BCL2A1: variants seen among roughly 807,000 people sequenced by gnomAD.
BCL2A1 encodes BCL2 related protein A1, also known as bcl-2-related protein A1.
In BCL2A1, 10 loss-of-function variants were observed where a neutral mutation model predicts 14.4. That is an observed-to-expected ratio of 0.69 (90% CI 0.43 to 1.18). BCL2A1 has a LOEUF of 1.18. Among genes scored for constraint, BCL2A1 ranks in the 50% most tolerant of loss-of-function variants. BCL2A1 has a pLI of 0.00. For missense variants in BCL2A1, 158 were observed against 205.0 expected (o/e 0.77, Z 1.40); for synonymous variants, 71 against 76.5 (o/e 0.93, Z 0.38).
rs553545563 is a variant in BCL2A1 at position 79,971,103 on chromosome 15, A to T, written c.17T>A (p.Phe6Tyr). ...CTGAGCCAGCCTGTAAATATATCCAAATTCACAGTCTGTCATCTTCTGCCT... is the reference window on the plus strand; with the variant it reads ...CTGAGCCAGCCTGTAAATATATCCATATTCACAGTCTGTCATCTTCTGCCT... MTDCE[F>Y]GYIYRLAQDY... The change falls in exon 1 of 2, where the codon TTT (phenylalanine) becomes TAT (tyrosine). Residue 6 changes from phenylalanine to tyrosine, a missense_variant. Physicochemically the swap from Phe to Tyr is conservative, Grantham distance 22. Transcript: ENST00000267953. 1.9e-6 allele frequency: 3 copies of T among 1,613,158 alleles called. No individual in the cohort carries two copies. Among genetic ancestry groups the T allele is most frequent in the Non-Finnish European group, 2.5e-6 (3 of 1,179,342 alleles).
rs1443057090 is a variant in BCL2A1 at position 79,961,106 on chromosome 15, C to A, written c.489G>T (p.Lys163Asn). Residue 163 changes from lysine to asparagine, a missense_variant, in exon 2 of 2, where the codon AAG becomes AAT. Coordinates refer to ENST00000267953, the MANE Select transcript of BCL2A1 (RefSeq NM_004049.4). ...GWMTFLEVTG[K>N]ICEMLSLLKQ... ...TCAGGAGAGATAGCATTTCACAGAT[C>A]TTTCCTGTAACTTCTAGAAAAGTCA... is the stretch of plus-strand genomic sequence containing the variant. The A allele has an allele frequency of 2.5e-6, 4 of 1,614,002 alleles. No individual in the cohort carries two copies. The highest frequency in any genetic ancestry group is 2.7e-5 in the African/African-American group (2 of 74,934).
intron 1 of BCL2A1, among the ~76,000 whole-genome samples, chr15:79,964,458 C>A (rs1021315155): frequency 2.0e-5 from 3 of 152,080 alleles, no homozygotes; most frequent in South Asian, 4.1e-4. Flanking sequence ...GACAGCAAGA[C>A]CCTGTTTCAA....
chr15:79,968,555 T>G (rs761266815), intron 1 of BCL2A1, among the ~76,000 whole-genome samples: 6 of 152,218 alleles, frequency 3.9e-5, no homozygotes, highest in Non-Finnish European at 5.9e-5. Flanking sequence ...ATCAATAAAT[T>G]TGATTGCAAC....
rs747492220 is a variant in BCL2A1 at position 79,961,161 on chromosome 15, A to G, written c.434T>C (p.Val145Ala). Reference protein sequence around the residue: ...RQNGGWENGFVKKFEPKSGWM... With the variant: ...RQNGGWENGFAKKFEPKSGWM... The stretch of plus-strand genomic sequence containing the variant: ...GCCAGATTTAGGTTCAAACTTCTTT[A>G]CAAAGCCATTTTCCTATAAAAGAAT... The change falls in exon 2 of 2, where the codon GTA becomes GCA. Residue 145 changes from valine to alanine, a missense_variant. Coordinates refer to ENST00000267953, the MANE Select transcript of BCL2A1 (RefSeq NM_004049.4). 1.2e-6 allele frequency: 2 copies of G among 1,613,694 alleles called. No homozygotes were observed. Among genetic ancestry groups the G allele is most frequent in the Admixed American group, 1.7e-5 (1 of 60,006 alleles).
intron 1 of BCL2A1, among the ~76,000 whole-genome samples, chr15:79,963,273 C>A (rs778570524): frequency 6.6e-6 from 1 of 152,104 alleles, no homozygotes; most frequent in South Asian, 2.1e-4. Flanking sequence ...CAGGCATGAG[C>A]CACCGTGCCT....
chr15:79,961,282 C>T (rs1596124335), intron 1 of BCL2A1, 108 bp from the exon 2 acceptor site: 1 of 1,002,984 alleles, frequency 1.0e-6, no homozygotes, highest in Admixed American at 2.5e-5. Context: ...AATCTTCTAC[C>T]CCTTCTACCC....
At chr15:79,963,100 G>C (rs951898656) in intron 1 of BCL2A1, among the ~76,000 whole-genome samples, 6 of 152,006 alleles carry the variant, frequency 3.9e-5, no homozygotes, top group Non-Finnish European at 7.4e-5. Flanking sequence ...TTCTGCCTCT[G>C]CCTCAGCCTC....
At chr15:79,964,410 A>G (rs2035518504) in intron 1 of BCL2A1, among the ~76,000 whole-genome samples, 1 of 152,208 alleles carries the variant, frequency 6.6e-6, no homozygotes, top group Admixed American at 6.5e-5. Flanking sequence ...TCGAGGCTGC[A>G]GTTAGCCAAG....
At chr15:79,968,866 G>A (rs1472177904) in intron 1 of BCL2A1, among the ~76,000 whole-genome samples, 1 of 152,198 alleles carries the variant, frequency 6.6e-6, no homozygotes, top group Non-Finnish European at 1.5e-5. Context: ...GGAGGCAGAG[G>A]TTGCAGTGAG....
chr15:79,969,230 G>A (rs192053142), intron 1 of BCL2A1, among the ~76,000 whole-genome samples: 2 of 152,266 alleles, frequency 1.3e-5, no homozygotes, highest in Non-Finnish European at 2.9e-5. Context: ...GTCAGCTGGG[G>A]TAGGAGAATC....
chr15:79,968,378 G>A (rs1040808813), intron 1 of BCL2A1, among the ~76,000 whole-genome samples: 26 of 152,196 alleles, frequency 1.7e-4, no homozygotes, highest in African/African-American at 2.6e-4. Context: ...ACAGCCAACC[G>A]GAAGAAAACA....
intron 1 of BCL2A1, among the ~76,000 whole-genome samples, chr15:79,970,248 CA>C (rs1415018505): frequency 6.6e-6 from 1 of 152,028 alleles, no homozygotes; most frequent in African/African-American, 2.4e-5. Context: ...GATGAACTTA[CA>C]AAAATTTACA....
chr15:79,961,465 CT>C (rs1236581242), intron 1 of BCL2A1, among the ~76,000 whole-genome samples: 1 of 151,948 alleles, frequency 6.6e-6, no homozygotes, highest in Non-Finnish European at 1.5e-5. Flanking sequence ...ATGAGATATT[CT>C]TTTTTCATAA....
chr15:79,964,503 C>T (rs2035520021), intron 1 of BCL2A1, among the ~76,000 whole-genome samples: 2 of 152,050 alleles, frequency 1.3e-5, no homozygotes, highest in South Asian at 4.1e-4. Flanking sequence ...CACGCAAACA[C>T]CATTATGTTA....
chr15:79,969,386 G>T (rs1409988028), intron 1 of BCL2A1, among the ~76,000 whole-genome samples: 2 of 152,070 alleles, frequency 1.3e-5, no homozygotes, highest in Non-Finnish European at 2.9e-5. Context: ...CTACACACAC[G>T]CACAAGGGAA....
chr15:79,963,015 T>C (rs1288287090), intron 1 of BCL2A1, among the ~76,000 whole-genome samples: 1 of 152,070 alleles, frequency 6.6e-6, no homozygotes, highest in Non-Finnish European at 1.5e-5. Flanking sequence ...AAAGTCTTGC[T>C]CTGCCACCCA....
Position 79,971,168 on chromosome 15 carries a change from G to T in BCL2A1, c.-49C>A. 1 of 1,570,650 alleles carries T rather than the reference G, an allele frequency of 6.4e-7. No individual in the cohort carries two copies. The highest frequency in any genetic ancestry group is 8.7e-7 in the Non-Finnish European group (1 of 1,152,382). On this transcript the variant is annotated 5_prime_UTR_variant, in exon 1 of 2. Coordinates refer to ENST00000267953, the MANE Select transcript of BCL2A1 (RefSeq NM_004049.4). ...TCTTGAGCTGGCTCACCTTGAAGCT[G>T]TTGAGGCAATGTGCTGAGAATGCTC...
In BCL2A1 at chr15:79,967,600, A is replaced by G. The variant is rs775735425; in HGVS notation, c.420+3100T>C. The G allele has an allele frequency of 1.1e-5, 18 of 1,578,728 alleles. 2 individuals are homozygous for G. The South Asian group carries it at 1.9e-4, about 17-fold the overall frequency. ...TAAATTATAGATTGTATGTGCTCAC[A>G]TCTTGATAAAGCTGTAAGTGCCTTC... On this transcript the variant is annotated intron_variant, in intron 1 of 1. Transcript: ENST00000267953.
intron 1 of BCL2A1, among the ~76,000 whole-genome samples, chr15:79,963,649 C>A (rs2141704177): frequency 6.6e-6 from 1 of 152,084 alleles, no homozygotes; most frequent in East Asian, 1.9e-4. Flanking sequence ...ATATGTTTTC[C>A]AATATGCTAG....
Sources: allele counts gnomAD v4.1 joint callset (sites outside exome capture counted in the v4.1 genomes callset), GRCh38; gene constraint gnomAD v4.1.1; transcripts MANE v1.5; gene names NCBI Gene and HGNC (gene_info 2026-07-23, HGNC 2026-07-21).